The following CELF2 variants were observed in gnomAD, a reference collection of about 807,000 sequenced individuals.
CELF2 encodes the protein CUGBP Elav-like family member 2.
A neutral mutation model predicts 62.6 loss-of-function variants in CELF2; 8 were observed. The observed-to-expected ratio is 0.13, with a 90% CI of 0.07 to 0.23. CELF2 has a LOEUF of 0.23. Ranked by LOEUF, CELF2 falls within the 10% of genes least tolerant of loss-of-function variation. The probability of loss-of-function intolerance (pLI) is 1.00; values close to 1 mark genes in which losing one functional copy is unlikely to be tolerated. For missense variants in CELF2, 333 were observed against 671.0 expected (o/e 0.50, Z 5.56); for synonymous variants, 258 against 250.0 (o/e 1.03, Z -0.30).
rs148336302 is a variant in CELF2 at position 11,233,466 on chromosome 10, C to A, written c.355-15687C>A. ...CCCAGGCTTCCGCTACCTCTACAGG[C>A]TGCTGCCAGCCAAATGTTTATCTGA... On this transcript the variant is annotated intron_variant, in intron 3 of 12. Transcript: ENST00000633077. Among the ~76,000 whole-genome samples the A allele has an allele frequency of 1.7e-3, 259 of 152,362 alleles. 2 individuals are homozygous for A. The highest frequency in any genetic ancestry group is 3.2e-3 in the Non-Finnish European group (216 of 68,028).
intron 11 of CELF2, among the ~76,000 whole-genome samples, chr10:11,322,388 A>C (rs1237140830): frequency 6.6e-6 from 1 of 152,204 alleles, no homozygotes; most frequent in African/African-American, 2.4e-5. Context: ...CTAATTATGA[A>C]ATGGTTCATG....
chr10:11,179,213 C>T (rs2072382164), intron 2 of CELF2, among the ~76,000 whole-genome samples: 1 of 151,908 alleles, frequency 6.6e-6, no homozygotes, highest in African/African-American at 2.4e-5. Flanking sequence ...GTTCAGAAGA[C>T]AACTTAGTCT....
the CELF2 span, among the ~76,000 whole-genome samples, chr10:10,478,433 G>A: frequency 1.2e-3 from 181 of 152,154 alleles, no homozygotes; most frequent in Non-Finnish European, 2.3e-3. Context: ...AGAAGCTAAT[G>A]TACACGTTCC....
chr10:11,043,690 A>C (rs528461566), intron 1 of CELF2, among the ~76,000 whole-genome samples: 1 of 151,982 alleles, frequency 6.6e-6, no homozygotes, highest in South Asian at 2.1e-4. Context: ...GCCATCAACA[A>C]CCTTGTGGGT....
At chr10:11,320,926 A>G in intron 10 of CELF2, 2 of 1,548,352 alleles carry the variant, frequency 1.3e-6, no homozygotes, top group Non-Finnish European at 1.7e-6. Flanking sequence ...GCTGCATGGC[A>G]TTGAGCTGTC....
At chr10:10,645,295 T>C in the CELF2 span, among the ~76,000 whole-genome samples, 6 of 152,240 alleles carry the variant, frequency 3.9e-5, no homozygotes, top group Non-Finnish European at 7.3e-5. Flanking sequence ...CCTACTCACA[T>C]AGGCCAGCCT....
intron 2 of CELF2, among the ~76,000 whole-genome samples, chr10:10,937,137 T>TTTTTTTC: frequency 6.9e-6 from 1 of 144,354 alleles, no homozygotes; most frequent in Non-Finnish European, 1.5e-5. Flanking sequence ...TTTTTTTTTT[T>TTTTTTTC]TTTTTTCGTG....
intron 3 of CELF2, among the ~76,000 whole-genome samples, chr10:11,226,671 C>T (rs954770811): frequency 7.2e-5 from 11 of 151,886 alleles, no homozygotes; most frequent in South Asian, 2.1e-4. Flanking sequence ...GCAGGGGCAT[C>T]GGGGCACCTG....
intron 2 of CELF2, among the ~76,000 whole-genome samples, chr10:11,215,919 A>T (rs531592736): frequency 6.6e-6 from 1 of 152,196 alleles, no homozygotes; most frequent in Non-Finnish European, 1.5e-5. Context: ...TCACCAGTGA[A>T]GTTGATCGGT....
chr10:10,498,235 A>G, the CELF2 span, among the ~76,000 whole-genome samples: 1 of 152,234 alleles, frequency 6.6e-6, no homozygotes, highest in Admixed American at 6.5e-5. Context: ...GAAACGTGCC[A>G]TCTGAAATGC....
the CELF2 span, among the ~76,000 whole-genome samples, chr10:10,636,619 G>A: frequency 7.9e-5 from 12 of 152,252 alleles, no homozygotes; most frequent in South Asian, 4.1e-4. Context: ...CATAGAATTC[G>A]TATCCAAGTC....
intron 9 of CELF2, among the ~76,000 whole-genome samples, chr10:11,298,376 G>A (rs1054897975): frequency 6.6e-6 from 1 of 152,238 alleles, no homozygotes; most frequent in Non-Finnish European, 1.5e-5. Context: ...TGCAGCCTGA[G>A]GGAGGGAACA....
chr10:10,680,077 G>A, the CELF2 span, among the ~76,000 whole-genome samples: 1 of 152,058 alleles, frequency 6.6e-6, no homozygotes, highest in African/African-American at 2.4e-5. Context: ...TAGCATTCTC[G>A]AATCAACATG....
At chr10:10,764,556 G>A in the CELF2 span, among the ~76,000 whole-genome samples, 4 of 152,322 alleles carry the variant, frequency 2.6e-5, no homozygotes, top group East Asian at 7.7e-4. Context: ...AAAGGGCCTA[G>A]AGGATCACTG....
intron 1 of CELF2, among the ~76,000 whole-genome samples, chr10:11,025,255 G>C (rs1217342317): frequency 2.0e-5 from 1 of 49,932 alleles, no homozygotes; most frequent in Non-Finnish European, 7.2e-5. Flanking sequence ...GTATGTGACT[G>C]TATATCTGGA....
intron 1 of CELF2, among the ~76,000 whole-genome samples, chr10:10,845,531 C>T (rs1042433119): frequency 1.3e-5 from 2 of 151,996 alleles, no homozygotes; most frequent in South Asian, 4.2e-4. Flanking sequence ...GCTATCTCTT[C>T]CAAGAAAAAG....
At chr10:10,757,995 T>C in the CELF2 span, among the ~76,000 whole-genome samples, 1 of 152,234 alleles carries the variant, frequency 6.6e-6, no homozygotes. Flanking sequence ...GCACTCTGTC[T>C]ACAGGTATCA....
At chr10:10,842,823 C>T (rs1202692587) in intron 1 of CELF2, among the ~76,000 whole-genome samples, 1 of 152,004 alleles carries the variant, frequency 6.6e-6, no homozygotes, top group Non-Finnish European at 1.5e-5. Flanking sequence ...TTAGGAAGCA[C>T]TTTCTTTGCT....
the CELF2 span, among the ~76,000 whole-genome samples, chr10:10,757,758 C>G: frequency 6.6e-6 from 1 of 152,192 alleles, no homozygotes; most frequent in Middle Eastern, 3.2e-3. Context: ...GCAAAAACTT[C>G]CCTTTCTTTA....
Sources: gnomAD v4.1 joint callset for allele counts (sites outside exome capture counted in the v4.1 genomes callset) on GRCh38, gnomAD v4.1.1 for gene constraint, MANE v1.5 for transcripts, NCBI Gene and HGNC (gene_info 2026-07-23, HGNC 2026-07-21) for gene names.